The following SEC24C variants were observed in gnomAD, a reference collection of about 807,000 sequenced individuals.
SEC24C encodes the protein protein transport protein Sec24C.
In SEC24C, 22 loss-of-function variants were observed where a neutral mutation model predicts 117.0. The observed-to-expected ratio is 0.19, with a 90% CI of 0.13 to 0.27. SEC24C has a LOEUF of 0.27. SEC24C is among the 10% of genes least tolerant of loss of function. The probability of loss-of-function intolerance (pLI) is 1.00; values close to 1 mark genes in which losing one functional copy is unlikely to be tolerated. For synonymous variants in SEC24C, 506 were observed against 529.4 expected (o/e 0.96, Z 0.61); for missense variants, 1,155 against 1,375.1 (o/e 0.84, Z 2.53).
intron 3 of SEC24C, among the ~76,000 whole-genome samples, chr10:73,756,806 G>T (rs2082716214): frequency 6.6e-6 from 1 of 150,978 alleles, no homozygotes; most frequent in African/African-American, 2.4e-5. Context: ...TCACCATGTT[G>T]GCCAGGCTGG....
chr10:73,760,979 C>A, intron 6 of SEC24C, 130 bp downstream of exon 6: 1 of 1,099,190 alleles, frequency 9.1e-7, no homozygotes, highest in Non-Finnish European at 1.3e-6. Flanking sequence ...GGAGAACTTA[C>A]ATATAATTTG....
At chr10:73,759,400 TTA>T (rs917280941) in intron 3 of SEC24C, among the ~76,000 whole-genome samples, 3 of 152,216 alleles carry the variant, frequency 2.0e-5, no homozygotes, top group South Asian at 2.1e-4. Context: ...GGTGCTTGGT[TTA>T]TGTTTGTGGA....
intron 1 of SEC24C, among the ~76,000 whole-genome samples, chr10:73,745,011 A>G (rs1235187137): frequency 6.6e-6 from 1 of 152,100 alleles, no homozygotes; most frequent in African/African-American, 2.4e-5. Flanking sequence ...TGTAAGGTTT[A>G]GGGTTTGGAA....
At chr10:73,752,132 T>TC (rs1429755619) in intron 3 of SEC24C, 1 of 152,146 alleles carries the variant, frequency 6.6e-6, no homozygotes, top group African/African-American at 2.4e-5. Flanking sequence ...TTTTTAATTT[T>TC]TTTTTTTGAG....
chr10:73,767,008 G>A (rs1477404595), intron 13 of SEC24C, 46 bp from the exon 14 acceptor site: 1 of 1,499,718 alleles, frequency 6.7e-7, no homozygotes, highest in East Asian at 2.3e-5. Context: ...CAAGGGAAGA[G>A]ATGGATGAAT....
intron 3 of SEC24C, among the ~76,000 whole-genome samples, chr10:73,754,417 GA>G (rs34203378): frequency 2.7e-5 from 4 of 150,818 alleles, no homozygotes; most frequent in Admixed American, 6.6e-5. Flanking sequence ...TTCGTCTCAG[GA>G]AAAAAAAAGT....
chr10:73,772,123 T>A lies in SEC24C; in HGVS notation c.*1028T>A, dbSNP rs140985456. ...CTTCATTGGTTTATTTTTCAATGCA[T>A]CTTTAATTTGTAAAGAAATAAAATA... On this transcript the variant is annotated 3_prime_UTR_variant, in exon 23 of 23. Transcript: ENST00000345254. 2.1e-5 allele frequency: 9 copies of A among 421,688 alleles called. No homozygotes were observed. The highest frequency in any genetic ancestry group is 1.8e-4 in the African/African-American group (9 of 48,886). The allele number at this position is 421,688 out of a possible 1,614,324, so 26.1% of individuals were successfully genotyped here.
intron 1 of SEC24C, among the ~76,000 whole-genome samples, chr10:73,746,181 A>AAC (rs1368813815): frequency 2.6e-5 from 4 of 151,756 alleles, no homozygotes; most frequent in African/African-American, 9.7e-5. Flanking sequence ...AAAAAAAAAA[A>AAC]ACCTTCAGTT....
At chr10:73,764,162 A>C (rs1293688763) in intron 8 of SEC24C, among the ~76,000 whole-genome samples, 179 bp downstream of exon 8, 1 of 152,108 alleles carries the variant, frequency 6.6e-6, no homozygotes, top group Non-Finnish European at 1.5e-5. Flanking sequence ...GATGGTAGGG[A>C]TGAGAGCAAA....
rs111796259 is a variant in SEC24C, at chr10:73,768,111, C to T, written c.2181+104C>T. The T allele has an allele frequency of 2.5e-4, 272 of 1,081,510 alleles. 9 individuals are homozygous for T. In the African/African-American group the frequency reaches 3.2e-3, roughly 13 times the overall value. The allele number at this position is 1,081,510 out of a possible 1,614,324, so 67.0% of individuals were successfully genotyped here. A position where few individuals can be genotyped will look rare whatever the true frequency, so the allele number is the denominator to read the frequency against. ...ATAGAAATAGTGTTGGGGCCAGGCA[C>T]GGTGCCTCACACCTGTAATCCTAGC... On this transcript the variant is annotated intron_variant, in intron 15 of 22. Transcript: ENST00000345254.
intron 1 of SEC24C, among the ~76,000 whole-genome samples, chr10:73,746,066 A>G (rs1047362014): frequency 6.7e-6 from 1 of 149,604 alleles, no homozygotes; most frequent in African/African-American, 2.5e-5. Context: ...AGGCTGAGGC[A>G]GGAGAATCGT....
At chr10:73,763,357 G>C (rs1664664321) in intron 6 of SEC24C, 133 bp from the exon 7 acceptor site, 2 of 561,458 alleles carry the variant, frequency 3.6e-6, no homozygotes, top group Non-Finnish European at 6.5e-6. Context: ...AGGAGAACAG[G>C]CCTGGTGTAT....
intron 3 of SEC24C, among the ~76,000 whole-genome samples, chr10:73,757,696 G>A (rs1421292796): frequency 4.9e-5 from 2 of 41,164 alleles, no homozygotes; most frequent in Admixed American, 2.0e-4. Flanking sequence ...TTGTGAAGCC[G>A]GGGTAGGAGT....
Position 73,771,031 on chromosome 10 carries a change from G to C in SEC24C, c.3221G>C (p.Gly1074Ala), listed in dbSNP as rs1456641696. The change falls in exon 23 of 23, where the codon GGG becomes GCG. Residue 1074 changes from glycine (G) to alanine (A), a missense_variant. Physicochemically the swap from Gly to Ala is moderately conservative, Grantham distance 60. Transcript: ENST00000345254. ...HFLVEDKSLSGGASYVDFLCH... is the reference protein window; with the variant it reads ...HFLVEDKSLSAGASYVDFLCH... ...CTGGTGGAAGACAAGAGTCTGAGTG[G>C]GGGAGCATCTTATGTGGACTTTCTC... 20 of 1,614,056 alleles carry C rather than the reference G, an allele frequency of 1.2e-5. No homozygotes were observed. The highest frequency in any genetic ancestry group is 1.7e-5 in the Non-Finnish European group (20 of 1,180,046).
chr10:73,766,318 G>A (rs2082883131), intron 11 of SEC24C, 32 bp from the exon 12 acceptor site: 1 of 1,582,968 alleles, frequency 6.3e-7, no homozygotes, highest in Admixed American at 1.7e-5. Context: ...GGAAAAGGTG[G>A]CAAGTCTAGG....
Position 73,769,814 on chromosome 10 carries a change from T to A in SEC24C, c.2683-22T>A, listed in dbSNP as rs377519763. The A allele has an allele frequency of 6.2e-7, 1 of 1,612,996 alleles. No homozygotes were observed. The highest frequency in any genetic ancestry group is 8.5e-7 in the Non-Finnish European group (1 of 1,179,128). On this transcript the variant is annotated intron_variant, in intron 19 of 22. Coordinates refer to ENST00000345254, the MANE Select transcript of SEC24C (RefSeq NM_198597.3). The surrounding 1 kb of genome is among the most constrained non-coding windows in gnomAD (Gnocchi z 4.5). ...GGAGGGATTTCTCATGATCATTGACTTTATTTTGATAATCCCCTCAGTTGA... is the reference window on the plus strand; with the variant it reads ...GGAGGGATTTCTCATGATCATTGACATTATTTTGATAATCCCCTCAGTTGA...
At chr10:73,758,064 G>A (rs1383175407) in intron 3 of SEC24C, among the ~76,000 whole-genome samples, 6 of 151,308 alleles carry the variant, frequency 4.0e-5, no homozygotes, top group Non-Finnish European at 1.5e-5. Context: ...GTGAAACCCC[G>A]TCTCTACTAA....
chr10:73,756,372 A>C (rs2132538843), intron 3 of SEC24C, among the ~76,000 whole-genome samples: 1 of 152,254 alleles, frequency 6.6e-6, no homozygotes. Context: ...ACTAGGGGAA[A>C]AAAGTCTGCA....
At chr10:73,766,564 A>G (rs1295046374) in intron 12 of SEC24C, 23 bp downstream of exon 12, 1 of 1,592,194 alleles carries the variant, frequency 6.3e-7, no homozygotes, top group Admixed American at 1.7e-5. Flanking sequence ...TTGTGGAGGT[A>G]AAGGTTGGGG....
Sources: gnomAD v4.1 joint callset for allele counts (sites outside exome capture counted in the v4.1 genomes callset) on GRCh38, gnomAD v4.1.1 for gene constraint, Gnocchi (gnomAD v3.1) non-coding constraint, MANE v1.5 for transcripts, NCBI Gene and HGNC (gene_info 2026-07-23, HGNC 2026-07-21) for gene names.